PGGT1B: variants seen among roughly 807,000 people sequenced by gnomAD.
PGGT1B encodes the protein geranylgeranyl transferase type-1 subunit beta.
In PGGT1B, 30 loss-of-function variants were observed where a neutral mutation model predicts 46.1. The observed-to-expected ratio is 0.65, with a 90% CI of 0.49 to 0.88. The LOEUF is 0.88. PGGT1B is among the 40% of genes least tolerant of loss of function. The pLI, the probability that PGGT1B is intolerant of heterozygous loss-of-function variation, is 0.00. For synonymous variants in PGGT1B, 170 were observed against 160.0 expected, an observed-to-expected ratio of 1.06 and a Z score of -0.47; for missense variants, 376 against 455.9, an observed-to-expected ratio of 0.82 and a Z score of 1.60.
Position 115,230,935 on chromosome 5 carries a change from A to G in PGGT1B, c.658+41T>C, listed in dbSNP as rs774187998. The G allele has an allele frequency of 3.9e-6, 5 of 1,287,368 alleles. No individual in the cohort carries two copies. The East Asian group carries it at 1.2e-4, about 30-fold the overall frequency. The allele number at this position is 1,287,368 out of a possible 1,614,324, so 79.7% of individuals were successfully genotyped here. On this transcript the variant is annotated intron_variant, in intron 6 of 8. Transcript: ENST00000419445. ...AAGACACCAAGATGTTGTCTAAGGG[A>G]ACAAAAGAAACTACATGTTCACTTA...
intron 6 of PGGT1B, among the ~76,000 whole-genome samples, chr5:115,222,831 A>G (rs188053689): frequency 1.1e-3 from 167 of 152,286 alleles, no homozygotes; most frequent in African/African-American, 3.8e-3. Context: ...ACACGGATGA[A>G]GCTGGAAACC....
chr5:115,251,240 C>G (rs1748081123), intron 2 of PGGT1B, among the ~76,000 whole-genome samples: 1 of 152,088 alleles, frequency 6.6e-6, no homozygotes, highest in Non-Finnish European at 1.5e-5. Context: ...CAGTTTGCTA[C>G]ATTTTTGTGA....
Position 115,205,741 on chromosome 5 carries a change from A to G in PGGT1B, c.*6661T>C, listed in dbSNP as rs1756044350. Reference sequence around the variant, plus strand: ...GATCATATTTAAAATCTTAGTGTCAAGATAAAAGTGTGCATTAGTACAACC... The same window carrying G: ...GATCATATTTAAAATCTTAGTGTCAGGATAAAAGTGTGCATTAGTACAACC... On this transcript the variant is annotated 3_prime_UTR_variant, in exon 9 of 9. Transcript: ENST00000419445. 1 of 152,100 alleles carries G rather than the reference A, an allele frequency of 6.6e-6. No individual in the cohort carries two copies. Among genetic ancestry groups the G allele is most frequent in the South Asian group, 2.1e-4 (1 of 4,826 alleles). 9.4% of individuals were successfully genotyped at this position (152,100 alleles called of 1,614,324 possible).
intron 5 of PGGT1B, among the ~76,000 whole-genome samples, chr5:115,233,279 C>T (rs180978786): frequency 6.6e-6 from 1 of 150,420 alleles, no homozygotes; most frequent in African/African-American, 2.4e-5. Flanking sequence ...AACAGATGAA[C>T]AAACAATAGA....
At chr5:115,220,632 T>A (rs1196833812) in intron 7 of PGGT1B, among the ~76,000 whole-genome samples, 1 of 151,904 alleles carries the variant, frequency 6.6e-6, no homozygotes, top group Non-Finnish European at 1.5e-5. Flanking sequence ...GTGGAGCTCT[T>A]TGATTAAAAG....
rs1386488865 is a variant in PGGT1B at position 115,207,172 on chromosome 5, T to C, written c.*5230A>G. 9.2e-6 allele frequency: 1 copy of C among 109,202 alleles called. No homozygotes were observed. Among genetic ancestry groups the C allele is most frequent in the Non-Finnish European group, 1.9e-5 (1 of 52,108 alleles). 6.8% of individuals were successfully genotyped at this position (109,202 alleles called of 1,614,324 possible). A position where few individuals can be genotyped will look rare whatever the true frequency, so the allele number is the denominator to read the frequency against. ...ATCTTCTAACTAGTTTAGGTTTGCA[T>C]ATACATACATATATATATATATATA... On this transcript the variant is annotated 3_prime_UTR_variant, in exon 9 of 9. Coordinates refer to ENST00000419445, the MANE Select transcript of PGGT1B (RefSeq NM_005023.4).
Position 115,205,986 on chromosome 5 carries a change from T to G in PGGT1B, c.*6416A>C, listed in dbSNP as rs930313817. On this transcript the variant is annotated 3_prime_UTR_variant, in exon 9 of 9. Coordinates refer to ENST00000419445, the MANE Select transcript of PGGT1B (RefSeq NM_005023.4). ...AAATGGTAAAAAGTGCAATTACTTA[T>G]GCACTGACCTAATATGTTTATGCAA... 2.6e-5 allele frequency: 4 copies of G among 151,986 alleles called. No individual in the cohort carries two copies. Among genetic ancestry groups the G allele is most frequent in the African/African-American group, 4.8e-5 (2 of 41,424 alleles). The allele number at this position is 151,986 out of a possible 1,614,324, so 9.4% of individuals were successfully genotyped here. A position where few individuals can be genotyped will look rare whatever the true frequency, so the allele number is the denominator to read the frequency against.
chr5:115,224,763 A>G (rs1419785793), intron 6 of PGGT1B, among the ~76,000 whole-genome samples: 2 of 151,442 alleles, frequency 1.3e-5, no homozygotes, highest in Non-Finnish European at 2.9e-5. Flanking sequence ...GGTCCTAGCA[A>G]CTCAGAAGGT....
chr5:115,220,235 G>C (rs769490138), intron 7 of PGGT1B, among the ~76,000 whole-genome samples: 19 of 151,368 alleles, frequency 1.3e-4, no homozygotes, highest in Admixed American at 2.0e-4. Flanking sequence ...AGGAAAACGT[G>C]GTATTCATAT....
chr5:115,249,100 A>T (rs1345374754), intron 2 of PGGT1B, among the ~76,000 whole-genome samples: 3 of 152,192 alleles, frequency 2.0e-5, no homozygotes, highest in African/African-American at 7.2e-5. Context: ...ATAGAAAAAC[A>T]GTAAAGTATC....
intron 7 of PGGT1B, among the ~76,000 whole-genome samples, chr5:115,218,577 T>C (rs1216675424): frequency 6.6e-6 from 1 of 150,640 alleles, no homozygotes; most frequent in Non-Finnish European, 1.5e-5. Flanking sequence ...ACTCATTTTG[T>C]TGAACACTAT....
In PGGT1B at chr5:115,210,213, TA is replaced by T; in HGVS notation, c.*2188del. 6.6e-6 allele frequency: 1 copy of T among 151,820 alleles called. No homozygotes were observed. Among genetic ancestry groups the T allele is most frequent in the South Asian group, 2.1e-4 (1 of 4,820 alleles). The allele number at this position is 151,820 out of a possible 1,614,324, so 9.4% of individuals were successfully genotyped here. A position where few individuals can be genotyped will look rare whatever the true frequency, so the allele number is the denominator to read the frequency against. On this transcript the variant is annotated 3_prime_UTR_variant, in exon 9 of 9. Coordinates refer to ENST00000419445, the MANE Select transcript of PGGT1B (RefSeq NM_005023.4). ...TTCTAAAAAAAAAATGCCACAAAAT[TA>T]GGGGGCGGGAAGGAGACAAGTATAG...
chr5:115,246,281 G>A (rs988520157), intron 2 of PGGT1B, among the ~76,000 whole-genome samples: 1 of 151,802 alleles, frequency 6.6e-6, no homozygotes, highest in Non-Finnish European at 1.5e-5. Flanking sequence ...GCTTGAACCC[G>A]GGAGGTGGAG....
chr5:115,251,755 G>C (rs558822458), intron 2 of PGGT1B, among the ~76,000 whole-genome samples: 13 of 151,918 alleles, frequency 8.6e-5, no homozygotes, highest in African/African-American at 2.9e-4. Flanking sequence ...TTTCGTATGT[G>C]CCACAGTGTG....
At chr5:115,222,426 A>T (rs1756615916) in intron 6 of PGGT1B, among the ~76,000 whole-genome samples, 1 of 152,144 alleles carries the variant, frequency 6.6e-6, no homozygotes, top group Non-Finnish European at 1.5e-5. Context: ...AGTTTTCACA[A>T]ATAAGATAAA....
At chr5:115,232,564 A>T (rs1417231639) in intron 5 of PGGT1B, among the ~76,000 whole-genome samples, 1 of 152,044 alleles carries the variant, frequency 6.6e-6, no homozygotes, top group East Asian at 1.9e-4. Flanking sequence ...CTATATACTG[A>T]TTTTACTATT....
rs534627724 is a variant in PGGT1B at position 115,212,060 on chromosome 5, G to A, written c.*342C>T. 6.4e-5 allele frequency: 13 copies of A among 202,862 alleles called. No homozygotes were observed. The highest frequency in any genetic ancestry group is 5.8e-4 in the Admixed American group (11 of 18,818). The allele number at this position is 202,862 out of a possible 1,614,324, so 12.6% of individuals were successfully genotyped here. A position where few individuals can be genotyped will look rare whatever the true frequency, so the allele number is the denominator to read the frequency against. On this transcript the variant is annotated 3_prime_UTR_variant, in exon 9 of 9. Coordinates refer to ENST00000419445, the MANE Select transcript of PGGT1B (RefSeq NM_005023.4). Reference sequence around the variant, plus strand: ...TCAATGCTATATGAAGTGTAAACTTGAAAATTTGTGTCCATTTTATAATAA... The same window carrying A: ...TCAATGCTATATGAAGTGTAAACTTAAAAATTTGTGTCCATTTTATAATAA...
Position 115,209,885 on chromosome 5 carries a change from C to G in PGGT1B, c.*2517G>C, listed in dbSNP as rs767400143. 2 of 152,044 alleles carry G rather than the reference C, an allele frequency of 1.3e-5. No homozygotes were observed. The highest frequency in any genetic ancestry group is 2.4e-5 in the African/African-American group (1 of 41,496). 9.4% of individuals were successfully genotyped at this position (152,044 alleles called of 1,614,324 possible). On this transcript the variant is annotated 3_prime_UTR_variant, in exon 9 of 9. Transcript: ENST00000419445. ...TTTTATCCACGGCAGAGTTAGGGTC[C>G]AAGATCATGCTGCTGAACTGGCAAA...
intron 5 of PGGT1B, among the ~76,000 whole-genome samples, chr5:115,232,732 G>A (rs1410451691): frequency 6.6e-6 from 1 of 152,004 alleles, no homozygotes; most frequent in African/African-American, 2.4e-5. Flanking sequence ...GCACTGTCAT[G>A]CAAAATGAGG....
Sources: allele counts gnomAD v4.1 joint callset (sites outside exome capture counted in the v4.1 genomes callset), GRCh38; gene constraint gnomAD v4.1.1; transcripts MANE v1.5; gene names NCBI Gene and HGNC (gene_info 2026-07-23, HGNC 2026-07-21).